Variants in ATF6 observed in about 807,000 individuals in gnomAD.
ATF6 encodes the protein cyclic AMP-dependent transcription factor ATF-6 alpha.
ATF6 carries 53 observed loss-of-function variants against 83.6 expected under a neutral mutation model. That is an observed-to-expected ratio of 0.63 (90% CI 0.51 to 0.80). The LOEUF (loss-of-function observed/expected upper bound fraction) is 0.80. Among genes scored for constraint, ATF6 ranks in the 30% least tolerant of loss-of-function variants. The pLI is 0.00. For synonymous variants in ATF6, 288 were observed against 285.8 expected, an observed-to-expected ratio of 1.01 and a Z score of -0.08; for missense variants, 744 against 797.9, an observed-to-expected ratio of 0.93 and a Z score of 0.81.
At chr1:161,954,050 A>G (rs974167768) in intron 15 of ATF6, among the ~76,000 whole-genome samples, 1 of 152,190 alleles carries the variant, frequency 6.6e-6, no homozygotes, top group Non-Finnish European at 1.5e-5. Context: ...AGAGCAGGAA[A>G]GGAGGGGGTT....
At chr1:161,895,519 C>G (rs1170751062) in intron 14 of ATF6, among the ~76,000 whole-genome samples, 1 of 152,186 alleles carries the variant, frequency 6.6e-6, no homozygotes, top group African/African-American at 2.4e-5. Context: ...ACAGATACAT[C>G]CATTCCCCCA....
At chr1:161,957,609 A>G (rs1412120379) in intron 15 of ATF6, among the ~76,000 whole-genome samples, 1 of 152,174 alleles carries the variant, frequency 6.6e-6, no homozygotes, top group Non-Finnish European at 1.5e-5. Context: ...AATGGAGTAT[A>G]GTCTGTGTCT....
At chr1:161,903,546 C>T (rs1220384394) in intron 14 of ATF6, among the ~76,000 whole-genome samples, 2 of 152,114 alleles carry the variant, frequency 1.3e-5, no homozygotes, top group Non-Finnish European at 2.9e-5. Context: ...ATATCAGTTG[C>T]ATTTAACTGT....
At chr1:161,814,608 A>G (rs1414122430) in intron 7 of ATF6, among the ~76,000 whole-genome samples, 1 of 152,226 alleles carries the variant, frequency 6.6e-6, no homozygotes. Context: ...ATTTTTGGCA[A>G]ATGGGAGCTG....
rs142835915 is a variant in ATF6 at position 161,777,643 on chromosome 1, A to G, written c.83-601A>G. Among the ~76,000 whole-genome samples, 255 of 152,304 alleles carry G rather than the reference A, an allele frequency of 1.7e-3. 6 individuals carry two copies. The East Asian group carries it at 0.045, about 27-fold the overall frequency. ...TTTCTTTACAAAAAGTTTTCAGTATAGTGTATTGAAGAATGTTTTCTGTAT... is the reference window on the plus strand; with the variant it reads ...TTTCTTTACAAAAAGTTTTCAGTATGGTGTATTGAAGAATGTTTTCTGTAT... On this transcript the variant is annotated intron_variant, in intron 1 of 15. Transcript: ENST00000367942.
In ATF6 at chr1:161,837,724, G is replaced by A. The variant is rs79050557; in HGVS notation, c.1188-8725G>A. On this transcript the variant is annotated intron_variant, in intron 9 of 15. Coordinates refer to ENST00000367942, the MANE Select transcript of ATF6 (RefSeq NM_007348.4). ...GTGAAGATTCTTAGTTGTGGAATAA[G>A]CTAGGTTGGCTATGGGTTGATACCA... Among the ~76,000 whole-genome samples, 230 of 152,062 alleles carry A rather than the reference G, an allele frequency of 1.5e-3. 1 individual carries two copies. Among genetic ancestry groups the A allele is most frequent in the Middle Eastern group, 6.8e-3 (2 of 294 alleles).
intron 6 of ATF6, among the ~76,000 whole-genome samples, chr1:161,795,281 A>G (rs1684988534): frequency 6.6e-6 from 1 of 152,226 alleles, no homozygotes; most frequent in African/African-American, 2.4e-5. Flanking sequence ...GGAAGCTATT[A>G]TTATATAGAA....
At chr1:161,868,973 T>G (rs141223823) in intron 14 of ATF6, among the ~76,000 whole-genome samples, 450 of 152,224 alleles carry the variant, frequency 3.0e-3, no homozygotes, top group Admixed American at 4.9e-3. Context: ...ACCTCACTGA[T>G]TTCTTTTTTG....
chr1:161,804,683 T>G (rs1341623404), intron 7 of ATF6, among the ~76,000 whole-genome samples: 1 of 152,150 alleles, frequency 6.6e-6, no homozygotes. Context: ...CCTGCCTTTT[T>G]TTTTTTCTAC....
At chr1:161,799,416 C>T (rs1685092765) in intron 6 of ATF6, among the ~76,000 whole-genome samples, 2 of 152,116 alleles carry the variant, frequency 1.3e-5, no homozygotes, top group African/African-American at 2.4e-5. Flanking sequence ...CAATAGACAA[C>T]AGGGGCTACT....
chr1:161,778,406 C>A, intron 2 of ATF6, 86 bp downstream of exon 2: 1 of 1,054,564 alleles, frequency 9.5e-7, no homozygotes, highest in Non-Finnish European at 1.4e-6. Flanking sequence ...CAGGTTCAGG[C>A]TAGTAATTTA....
intron 7 of ATF6, among the ~76,000 whole-genome samples, chr1:161,810,248 G>T (rs903099112): frequency 3.3e-5 from 5 of 152,188 alleles, no homozygotes; most frequent in Non-Finnish European, 7.4e-5. Context: ...AAACATGGCT[G>T]GGGAAGCCTC....
intron 14 of ATF6, among the ~76,000 whole-genome samples, chr1:161,899,040 G>A (rs981622383): frequency 6.6e-6 from 1 of 152,090 alleles, no homozygotes; most frequent in African/African-American, 2.4e-5. Flanking sequence ...ATTAGAGGAG[G>A]CACTTTGTTA....
intron 14 of ATF6, among the ~76,000 whole-genome samples, chr1:161,882,980 G>C (rs528468159): frequency 6.6e-6 from 1 of 152,018 alleles, no homozygotes; most frequent in East Asian, 1.9e-4. Flanking sequence ...GATATGACAA[G>C]GGGAGAGGAG....
At chr1:161,786,283 G>A (rs1163468163) in intron 4 of ATF6, among the ~76,000 whole-genome samples, 1 of 152,026 alleles carries the variant, frequency 6.6e-6, no homozygotes, top group Non-Finnish European at 1.5e-5. Context: ...ACTGCGCCCG[G>A]CCGTTCATTT....
At chr1:161,851,233 A>ACACAC (rs1686615845) in intron 10 of ATF6, among the ~76,000 whole-genome samples, 2 of 75,402 alleles carry the variant, frequency 2.7e-5, no homozygotes, top group Admixed American at 1.3e-4. Context: ...CCCTATCCTT[A>ACACAC]ACACACACAC....
intron 15 of ATF6, among the ~76,000 whole-genome samples, chr1:161,924,313 G>A (rs1374629552): frequency 6.6e-6 from 1 of 152,074 alleles, no homozygotes; most frequent in African/African-American, 2.4e-5. Context: ...AGATGTACAT[G>A]CCAAAGACAT....
At chr1:161,840,166 G>T (rs1049299527) in intron 9 of ATF6, 2 of 152,172 alleles carry the variant, frequency 1.3e-5, no homozygotes, top group Non-Finnish European at 2.9e-5. Flanking sequence ...AAAACCTTGT[G>T]AAATATTTGT....
chr1:161,940,271 A>G (rs1324646054), intron 15 of ATF6, among the ~76,000 whole-genome samples: 2 of 152,176 alleles, frequency 1.3e-5, no homozygotes, highest in Non-Finnish European at 2.9e-5. Context: ...ACCACCAATG[A>G]CTTATTTTAA....
Sources: allele counts gnomAD v4.1 joint callset (sites outside exome capture counted in the v4.1 genomes callset), GRCh38; gene constraint gnomAD v4.1.1; transcripts MANE v1.5; gene names NCBI Gene and HGNC (gene_info 2026-07-23, HGNC 2026-07-21).